TP53BP1: variants seen among roughly 807,000 people sequenced by gnomAD.
The protein encoded by TP53BP1 is TP53-binding protein 1.
TP53BP1 carries 61 observed loss-of-function variants against 200.8 expected under a neutral mutation model. That is an observed-to-expected ratio of 0.30 (90% CI 0.25 to 0.38). TP53BP1 has a LOEUF of 0.38. Ranked by LOEUF, TP53BP1 falls within the 10% of genes least tolerant of loss-of-function variation. The pLI, the probability that TP53BP1 is intolerant of heterozygous loss-of-function variation, is 1.00. For synonymous variants in TP53BP1, 822 were observed against 844.3 expected (o/e 0.97, Z 0.46); for missense variants, 2,144 against 2,371.9 (o/e 0.90, Z 2.00).
In TP53BP1 at chr15:43,432,467, T is replaced by C; in HGVS notation, c.3402A>G (p.Lys1134=). The C allele has an allele frequency of 6.2e-7, 1 of 1,614,222 alleles. No homozygotes were observed. Among genetic ancestry groups the C allele is most frequent in the Non-Finnish European group, 8.5e-7 (1 of 1,180,036 alleles). The part of the protein sequence containing the change: ...AMVTDVLEDQ[K]EGRSTNKENP... ...TTTCCTTATTAGTACTCCGTCCTTC[T>C]TTCTGGTCTTCTAGCACATCTGTCA... is the stretch of plus-strand genomic sequence containing the variant. The change falls in exon 17 of 28, where the codon AAA becomes AAG. Residue 1134 remains lysine, a synonymous_variant. Coordinates refer to ENST00000382044, the MANE Select transcript of TP53BP1 (RefSeq NM_001141980.3).
intron 11 of TP53BP1, among the ~76,000 whole-genome samples, chr15:43,464,484 T>C (rs2046517392): frequency 6.6e-6 from 1 of 152,190 alleles, no homozygotes; most frequent in Non-Finnish European, 1.5e-5. Context: ...ACACACAAAC[T>C]TGTCCATAAA....
chr15:43,407,842 C>T (rs370831037), intron 27 of TP53BP1, 101 bp downstream of exon 27: 49 of 1,214,224 alleles, frequency 4.0e-5, no homozygotes, highest in Non-Finnish European at 4.9e-5. Context: ...AACATGGATA[C>T]GGTCAACCTA....
Position 43,474,789 on chromosome 15 carries a change from C to T in TP53BP1, c.1086-22G>A, listed in dbSNP as rs528094966. 4 of 1,547,122 alleles carry T rather than the reference C, an allele frequency of 2.6e-6. No individual in the cohort carries two copies. In the South Asian group the frequency reaches 3.4e-5, roughly 13 times the overall value. On this transcript the variant is annotated intron_variant, in intron 9 of 27. Coordinates refer to ENST00000382044, the MANE Select transcript of TP53BP1 (RefSeq NM_001141980.3). Reference sequence around the variant, plus strand: ...ATTCCTTTATATAAAGAGAGAATCACAGGTTATTTTACCATAGCCACAGTT... The same window carrying T: ...ATTCCTTTATATAAAGAGAGAATCATAGGTTATTTTACCATAGCCACAGTT...
At chr15:43,484,042 C>T (rs2079012237) in intron 4 of TP53BP1, among the ~76,000 whole-genome samples, 1 of 152,198 alleles carries the variant, frequency 6.6e-6, no homozygotes, top group African/African-American at 2.4e-5. Context: ...CAATTACCTC[C>T]TCAACACATC....
chr15:43,492,909 G>GC, intron 1 of TP53BP1, 128 bp downstream of exon 1: 7 of 1,098,126 alleles, frequency 6.4e-6, no homozygotes, highest in Admixed American at 2.1e-5. Flanking sequence ...CCTCCTTAGG[G>GC]CCCTCCAACC....
At chr15:43,502,093 G>A (rs1239502701) in intron 1 of TP53BP1, among the ~76,000 whole-genome samples, 5 of 152,164 alleles carry the variant, frequency 3.3e-5, no homozygotes, top group Non-Finnish European at 7.3e-5. Context: ...GCTGAGTTGA[G>A]AGGTTCGCTT....
At chr15:43,463,267 G>A (rs28549778) in intron 11 of TP53BP1, among the ~76,000 whole-genome samples, 2 of 152,008 alleles carry the variant, frequency 1.3e-5, no homozygotes, top group African/African-American at 2.4e-5. Context: ...TTGGTAAAGG[G>A]TCAAAGAGGC....
At chr15:43,471,315 C>G (rs1173627528) in intron 10 of TP53BP1, among the ~76,000 whole-genome samples, 1 of 151,762 alleles carries the variant, frequency 6.6e-6, no homozygotes, top group Non-Finnish European at 1.5e-5. Context: ...TCCAAATATA[C>G]TAGTTGTAGC....
chr15:43,467,359 C>T (rs904612847), intron 11 of TP53BP1, among the ~76,000 whole-genome samples: 7 of 152,044 alleles, frequency 4.6e-5, no homozygotes, highest in Non-Finnish European at 8.8e-5. Flanking sequence ...CTACTGCGCC[C>T]GGCCTACTAA....
Position 43,405,404 on chromosome 15 carries a change from G to A in TP53BP1, c.*1979C>T. ...CTTCCCATCATTCCCATGTGGAAGG[G>A]TCTCTCCCATCAAGGAGAACATGTG... On this transcript the variant is annotated 3_prime_UTR_variant, in exon 28 of 28. Coordinates refer to ENST00000382044, the MANE Select transcript of TP53BP1 (RefSeq NM_001141980.3). 1 of 630,698 alleles carries A rather than the reference G, an allele frequency of 1.6e-6. No individual in the cohort carries two copies. The highest frequency in any genetic ancestry group is 2.8e-6 in the Non-Finnish European group (1 of 357,568). 39.1% of individuals were successfully genotyped at this position (630,698 alleles called of 1,614,324 possible).
At chr15:43,451,449 C>G (rs1451505357) in intron 12 of TP53BP1, among the ~76,000 whole-genome samples, 1 of 151,750 alleles carries the variant, frequency 6.6e-6, no homozygotes, top group Non-Finnish European at 1.5e-5. Context: ...GTTTTTTGTC[C>G]TTGCGATAGT....
Position 43,446,607 on chromosome 15 carries a change from A to G in TP53BP1, c.2837-17T>C. 1 of 1,604,182 alleles carries G rather than the reference A, an allele frequency of 6.2e-7. No homozygotes were observed. The highest frequency in any genetic ancestry group is 8.5e-7 in the Non-Finnish European group (1 of 1,174,414). On this transcript the variant is annotated splice_polypyrimidine_tract_variant and intron_variant, in intron 13 of 27. Transcript: ENST00000382044. Reference sequence around the variant, plus strand: ...TGCTAATACCTGAAAGAAGTGAGGCAGGGAGGAAGAAAAAAAGAACACTAA... The same window carrying G: ...TGCTAATACCTGAAAGAAGTGAGGCGGGGAGGAAGAAAAAAAGAACACTAA...
In TP53BP1 at chr15:43,436,751, G is replaced by A. The variant is rs569946232; in HGVS notation, c.3191+1573C>T. ...TCATGCTTTGGCCTCCAAGTGCTGG[G>A]ATTACAGGCGTGAGCCACCGTGGCC... is the stretch of plus-strand genomic sequence containing the variant. On this transcript the variant is annotated intron_variant, in intron 16 of 27. Transcript: ENST00000382044. Among the ~76,000 whole-genome samples the A allele has an allele frequency of 2.1e-3, 319 of 151,986 alleles. 3 individuals are homozygous for A. Among genetic ancestry groups the A allele is most frequent in the Non-Finnish European group, 1.7e-3 (115 of 67,960 alleles).
chr15:43,442,103 TGAGAC>T (rs2045937511), intron 14 of TP53BP1, among the ~76,000 whole-genome samples: 1 of 149,092 alleles, frequency 6.7e-6, no homozygotes. Context: ...TTTTTTTTTT[TGAGAC>T]AGAGTCTCAC....
At chr15:43,474,440 C>A (rs2046804878) in intron 10 of TP53BP1, among the ~76,000 whole-genome samples, 1 of 128,074 alleles carries the variant, frequency 7.8e-6, no homozygotes, top group Non-Finnish European at 1.5e-5. Flanking sequence ...GCTGTCACCT[C>A]TCAATGGGGT....
At chr15:43,426,738 C>T (rs944771138) in intron 18 of TP53BP1, among the ~76,000 whole-genome samples, 52 of 151,812 alleles carry the variant, frequency 3.4e-4, no homozygotes, top group African/African-American at 1.3e-3. Flanking sequence ...CCTTGCCGGG[C>T]GCGGTGGCTC....
At chr15:43,497,836 T>G (rs143780496), upstream of TP53BP1, among the ~76,000 whole-genome samples, 3 of 152,342 alleles carry the variant, frequency 2.0e-5, no homozygotes, top group East Asian at 5.8e-4. Context: ...GTAAATGTAC[T>G]TAATGCCACT....
chr15:43,439,644 A>G (rs571485836), intron 15 of TP53BP1, among the ~76,000 whole-genome samples: 2 of 152,372 alleles, frequency 1.3e-5, no homozygotes, highest in South Asian at 4.1e-4. Context: ...CACAATAGCA[A>G]ACAAGTCGAA....
chr15:43,481,104 C>G (rs2078958478), intron 4 of TP53BP1, 82 bp from the exon 5 acceptor site: 1 of 1,529,830 alleles, frequency 6.5e-7, no homozygotes, highest in Non-Finnish European at 9.0e-7. Context: ...CCAACACATA[C>G]CAACCATCTC....
Sources: allele counts gnomAD v4.1 joint callset (sites outside exome capture counted in the v4.1 genomes callset), GRCh38; gene constraint gnomAD v4.1.1; transcripts MANE v1.5; gene names NCBI Gene and HGNC (gene_info 2026-07-23, HGNC 2026-07-21).